Variants in ZBTB7C observed in about 807,000 individuals in gnomAD.
ZBTB7C encodes zinc finger and BTB domain containing 7C.
Under a neutral mutation model 25.7 loss-of-function variants are expected in ZBTB7C, and 8 were observed. The ratio of observed to expected loss-of-function variants is 0.31; its 90% CI spans 0.18 to 0.56. The LOEUF is 0.56. ZBTB7C is among the 20% of genes least tolerant of loss of function. The pLI, the probability that ZBTB7C is intolerant of heterozygous loss-of-function variation, is 0.91. For synonymous variants in ZBTB7C, 394 were observed against 369.0 expected (o/e 1.07, Z -0.78); for missense variants, 824 against 855.2 (o/e 0.96, Z 0.46).
At chr18:48,167,981 G>A (rs768912041) in intron 3 of ZBTB7C, among the ~76,000 whole-genome samples, 4 of 152,210 alleles carry the variant, frequency 2.6e-5, no homozygotes, top group Non-Finnish European at 5.9e-5. Context: ...GTGGGGAAGA[G>A]AGAAGGGAGG....
intron 2 of ZBTB7C, among the ~76,000 whole-genome samples, chr18:48,323,511 C>T (rs908985015): frequency 2.0e-5 from 3 of 152,220 alleles, no homozygotes; most frequent in Admixed American, 6.5e-5. Flanking sequence ...GTCTTATCCA[C>T]GGTCTGTACT....
chr18:48,070,051 G>A (rs900087376), intron 3 of ZBTB7C, among the ~76,000 whole-genome samples: 12 of 152,194 alleles, frequency 7.9e-5, no homozygotes, highest in Admixed American at 4.6e-4. Flanking sequence ...CAAAGCATCC[G>A]TGCTCTTGTG....
At chr18:48,217,960 CCACAG>C (rs1375383050) in intron 2 of ZBTB7C, among the ~76,000 whole-genome samples, 2 of 152,272 alleles carry the variant, frequency 1.3e-5, no homozygotes, top group Middle Eastern at 6.8e-3. Context: ...ACTCAGTGTA[CCACAG>C]TAGACAGACC....
chr18:48,115,293 A>G (rs1011004936), intron 3 of ZBTB7C, among the ~76,000 whole-genome samples: 23 of 151,858 alleles, frequency 1.5e-4, no homozygotes, highest in African/African-American at 4.6e-4. Flanking sequence ...CTGTCGCCCA[A>G]GCTGGAGTGC....
At chr18:48,267,511 G>A (rs1163417650) in intron 2 of ZBTB7C, among the ~76,000 whole-genome samples, 1 of 152,158 alleles carries the variant, frequency 6.6e-6, no homozygotes, top group Non-Finnish European at 1.5e-5. Flanking sequence ...AGGAATAAAG[G>A]AAACCCAAAT....
intron 2 of ZBTB7C, among the ~76,000 whole-genome samples, chr18:48,190,123 G>A (rs1359143202): frequency 2.6e-5 from 4 of 152,204 alleles, no homozygotes; most frequent in African/African-American, 4.8e-5. Flanking sequence ...CCTTGGGTGC[G>A]GGCAGATGCT....
intron 3 of ZBTB7C, among the ~76,000 whole-genome samples, chr18:48,147,228 C>T (rs556908869): frequency 2.0e-5 from 3 of 152,086 alleles, no homozygotes; most frequent in Non-Finnish European, 4.4e-5. Flanking sequence ...TAGGCACATA[C>T]CACCATGTCT....
intron 2 of ZBTB7C, among the ~76,000 whole-genome samples, chr18:48,211,299 A>T (rs368453820): frequency 6.6e-6 from 1 of 152,320 alleles, no homozygotes; most frequent in East Asian, 1.9e-4. Context: ...TTTTAGATAC[A>T]ACACCAAAGG....
chr18:48,289,453 T>A (rs944166752), intron 2 of ZBTB7C, among the ~76,000 whole-genome samples: 2 of 151,906 alleles, frequency 1.3e-5, no homozygotes, highest in Non-Finnish European at 2.9e-5. Flanking sequence ...GGAAAGGAAT[T>A]AGGTTAAGCA....
At chr18:48,098,979 C>G (rs2038738291) in intron 3 of ZBTB7C, among the ~76,000 whole-genome samples, 1 of 152,204 alleles carries the variant, frequency 6.6e-6, no homozygotes, top group Non-Finnish European at 1.5e-5. Flanking sequence ...TGAGCGGAGG[C>G]AGTGGCACCT....
intron 3 of ZBTB7C, among the ~76,000 whole-genome samples, chr18:48,103,060 GTATA>G (rs986874276): frequency 3.5e-5 from 5 of 143,698 alleles, no homozygotes; most frequent in African/African-American, 7.7e-5. Context: ...TATATATCTT[GTATA>G]TATATATTTT....
chr18:48,312,170 G>A (rs138594853), intron 2 of ZBTB7C, among the ~76,000 whole-genome samples: 7 of 152,168 alleles, frequency 4.6e-5, no homozygotes, highest in Admixed American at 2.0e-4. Flanking sequence ...CCTGGGCTTC[G>A]GCCACATCTT....
intron 1 of ZBTB7C, among the ~76,000 whole-genome samples, chr18:48,348,133 G>C (rs1466930232): frequency 1.3e-5 from 2 of 152,250 alleles, no homozygotes; most frequent in Non-Finnish European, 2.9e-5. Flanking sequence ...CCCTGCCCTT[G>C]AGTTGGCACC....
At chr18:48,276,525 C>T (rs1220477147) in intron 2 of ZBTB7C, among the ~76,000 whole-genome samples, 8 of 120,268 alleles carry the variant, frequency 6.7e-5, no homozygotes, top group African/African-American at 2.2e-4. Context: ...TGTTCAATTC[C>T]CACCTATGAG....
At chr18:48,264,353 GA>G (rs1012762971) in intron 2 of ZBTB7C, among the ~76,000 whole-genome samples, 19 of 152,060 alleles carry the variant, frequency 1.2e-4, no homozygotes, top group African/African-American at 4.3e-4. Flanking sequence ...GAGAAACAAA[GA>G]AAGGAGCACT....
chr18:48,155,187 C>T (rs1317811450), intron 3 of ZBTB7C, among the ~76,000 whole-genome samples: 1 of 152,116 alleles, frequency 6.6e-6, no homozygotes, highest in Non-Finnish European at 1.5e-5. Flanking sequence ...TATTCTCTGA[C>T]CTCTTTTGTC....
rs550521562 is a variant in ZBTB7C at position 48,344,906 on chromosome 18, T to C, written c.-303-6508A>G. ...GGATTTTCTGGAAGAAGTTGTGTCA[T>C]TTTTGTAATTTAAAATTTATCTTCT... is the stretch of plus-strand genomic sequence containing the variant. On this transcript the variant is annotated intron_variant, in intron 1 of 4. Transcript: ENST00000590800. 4.8e-4 allele frequency among the ~76,000 whole-genome samples: 73 copies of C among 152,246 alleles called. 2 individuals carry two copies. Among genetic ancestry groups the C allele is most frequent in the Non-Finnish European group, 1.5e-5 (1 of 68,050 alleles).
At chr18:48,303,026 C>T (rs1159527404) in intron 2 of ZBTB7C, among the ~76,000 whole-genome samples, 1 of 152,190 alleles carries the variant, frequency 6.6e-6, no homozygotes, top group Non-Finnish European at 1.5e-5. Flanking sequence ...GGCCAGGCTG[C>T]CAAAGCTTCT....
chr18:48,247,032 G>A (rs1326758028), intron 2 of ZBTB7C, among the ~76,000 whole-genome samples: 1 of 152,088 alleles, frequency 6.6e-6, no homozygotes, highest in Non-Finnish European at 1.5e-5. Flanking sequence ...TCATATAAGG[G>A]GTTCTATTAA....
Sources: gnomAD v4.1 joint callset for allele counts (sites outside exome capture counted in the v4.1 genomes callset) on GRCh38, gnomAD v4.1.1 for gene constraint, MANE v1.5 for transcripts, NCBI Gene and HGNC (gene_info 2026-07-23, HGNC 2026-07-21) for gene names.